PCDHGB1: variants seen among roughly 807,000 people sequenced by gnomAD.
PCDHGB1 encodes protocadherin gamma-B1.
PCDHGB1 carries 34 observed loss-of-function variants against 56.6 expected under a neutral mutation model. The observed-to-expected ratio is 0.60, with a 90% confidence interval of 0.46 to 0.80. The LOEUF is 0.80. Ranked by LOEUF, PCDHGB1 falls within the 30% of genes least tolerant of loss-of-function variation. PCDHGB1 has a pLI of 0.00. For synonymous variants in PCDHGB1, 561 were observed against 505.9 expected (o/e 1.11, Z -1.46); for missense variants, 1,278 against 1,204.6 (o/e 1.06, Z -0.90).
chr5:141,400,232 C>T (rs2093984634), intron 1 of PCDHGB1: 1 of 1,614,032 alleles, frequency 6.2e-7, no homozygotes. Context: ...TTCCTCCTGG[C>T]CGTGATTCTG....
At chr5:141,417,585 G>T in intron 1 of PCDHGB1, 1 of 462,794 alleles carries the variant, frequency 2.2e-6, no homozygotes, top group South Asian at 4.9e-5. Context: ...GTCCCACACA[G>T]AGCCTCTGGG....
chr5:141,357,585 G>C lies in PCDHGB1; in HGVS notation c.2409+4916G>C, dbSNP rs778650217. ...AAAGCGAGCCTCTTCTGATAACTCA[G>C]GATTTACTTGAAACAAAAGGAGACC... On this transcript the variant is annotated intron_variant, in intron 1 of 3. Transcript: ENST00000523390. 7.4e-6 allele frequency: 12 copies of C among 1,614,146 alleles called. No individual in the cohort carries two copies. In the South Asian group the frequency reaches 7.7e-5, roughly 10 times the overall value.
At chr5:141,497,077 G>A (rs191605427) in intron 2 of PCDHGB1, among the ~76,000 whole-genome samples, 4 of 151,990 alleles carry the variant, frequency 2.6e-5, no homozygotes, top group East Asian at 3.9e-4. Flanking sequence ...TAATCCCAGC[G>A]ACTTAGGAGG....
Position 141,487,781 on chromosome 5 carries a change from G to T in PCDHGB1, c.2410-7026G>T. ...AGACGCTGTGCTTTGTAACTGTTTC[G>T]TGAATTAACCAGAGTTGTCACAGTT... On this transcript the variant is annotated intron_variant, in intron 1 of 3. Transcript: ENST00000523390. This position sits in a 1 kb window ranked among gnomAD's most constrained non-coding sequence, Gnocchi z 5.0. 2 of 1,526,850 alleles carry T rather than the reference G, an allele frequency of 1.3e-6. No homozygotes were observed. The highest frequency in any genetic ancestry group is 8.8e-7 in the Non-Finnish European group (1 of 1,130,880). The allele number at this position is 1,526,850 out of a possible 1,614,324, so 94.6% of individuals were successfully genotyped here. A position where few individuals can be genotyped will look rare whatever the true frequency, so the allele number is the denominator to read the frequency against.
Position 141,490,965 on chromosome 5 carries a change from C to G in PCDHGB1, c.2410-3842C>G. On this transcript the variant is annotated intron_variant, in intron 1 of 3. Coordinates refer to ENST00000523390, the MANE Select transcript of PCDHGB1 (RefSeq NM_018922.3). This position sits in a 1 kb window ranked among gnomAD's most constrained non-coding sequence, Gnocchi z 5.4. ...CACGGCCAGACTGGGAACACTCAGC[C>G]CCCCAGCGTCTCCCTCGCTCTGCTC... is the stretch of plus-strand genomic sequence containing the variant. 5 of 1,613,856 alleles carry G rather than the reference C, an allele frequency of 3.1e-6. No homozygotes were observed. The highest frequency in any genetic ancestry group is 3.3e-4 in the Middle Eastern group (2 of 6,062).
At chr5:141,478,329 C>T (rs1295950117) in intron 1 of PCDHGB1, 1 of 1,613,982 alleles carries the variant, frequency 6.2e-7, no homozygotes, top group African/African-American at 1.3e-5. Context: ...TACCGAACAC[C>T]AGGGCCCTCC....
At position 141,485,971 on chromosome 5, in the gene PCDHGB1, C is replaced by T; in HGVS notation, c.2410-8836C>T. On this transcript the variant is annotated intron_variant, in intron 1 of 3. Transcript: ENST00000523390. This position sits in a 1 kb window ranked among gnomAD's most constrained non-coding sequence, Gnocchi z 5.7. Reference sequence around the variant, plus strand: ...GCATGGTGCTCATCCAGCTCAATGCCTCAGACCCGGACCTGGGTCCCAGTG... The same window carrying T: ...GCATGGTGCTCATCCAGCTCAATGCTTCAGACCCGGACCTGGGTCCCAGTG... The T allele has an allele frequency of 6.2e-7, 1 of 1,614,196 alleles. No individual in the cohort carries two copies. The highest frequency in any genetic ancestry group is 8.5e-7 in the Non-Finnish European group (1 of 1,180,042).
intron 1 of PCDHGB1, chr5:141,475,997 G>T: frequency 8.4e-7 from 1 of 1,184,406 alleles, no homozygotes; most frequent in Non-Finnish European, 1.2e-6. Flanking sequence ...CAAATCAACG[G>T]CATCCAGAAA....
At chr5:141,412,931 T>A in intron 1 of PCDHGB1, 1 of 453,226 alleles carries the variant, frequency 2.2e-6, no homozygotes, top group Non-Finnish European at 3.9e-6. Context: ...CAGTAACTTC[T>A]TAGGACTCTG....
chr5:141,364,683 G>A (rs1344688036), intron 1 of PCDHGB1: 6 of 1,613,976 alleles, frequency 3.7e-6, no homozygotes, highest in Non-Finnish European at 5.1e-6. Flanking sequence ...AAAATTTATG[G>A]AGTAGAAGTA....
At chr5:141,380,163 G>A (rs765381808) in intron 1 of PCDHGB1, among the ~76,000 whole-genome samples, 1 of 152,092 alleles carries the variant, frequency 6.6e-6, no homozygotes, top group African/African-American at 2.4e-5. Context: ...GCCTCTCAAA[G>A]GGCTGGGATT....
intron 1 of PCDHGB1, chr5:141,374,744 G>A: frequency 1.2e-6 from 2 of 1,611,982 alleles, no homozygotes; most frequent in East Asian, 2.2e-5. Context: ...CGGCGACCCT[G>A]TCCGCTCAAG....
chr5:141,443,018 A>G (rs2098358800), intron 1 of PCDHGB1, among the ~76,000 whole-genome samples: 1 of 152,208 alleles, frequency 6.6e-6, no homozygotes, highest in Admixed American at 6.5e-5. Flanking sequence ...TGACTAATGG[A>G]AGTTGCCAGA....
At chr5:141,387,354 CA>C (rs1037365285) in intron 1 of PCDHGB1, among the ~76,000 whole-genome samples, 7 of 152,004 alleles carry the variant, frequency 4.6e-5, no homozygotes, top group African/African-American at 1.7e-4. Context: ...CGGTTTAGGC[CA>C]AGTCTGTGTT....
chr5:141,430,365 G>GA lies in PCDHGB1; in HGVS notation c.2410-64434dup, dbSNP rs202146484. Among the ~76,000 whole-genome samples, 583 of 147,736 alleles carry GA rather than the reference G, an allele frequency of 3.9e-3. 6 individuals are homozygous for GA. The highest frequency in any genetic ancestry group is 0.011 in the Admixed American group (169 of 14,894). On this transcript the variant is annotated intron_variant, in intron 1 of 3. Coordinates refer to ENST00000523390, the MANE Select transcript of PCDHGB1 (RefSeq NM_018922.3). ...CCAATTCATTTAAAAGCTCATTGGG[G>GA]AAAAAAAAGCTCATTGGGAAAAAAA...
At chr5:141,451,640 G>A (rs2098720679) in intron 1 of PCDHGB1, among the ~76,000 whole-genome samples, 1 of 152,166 alleles carries the variant, frequency 6.6e-6, no homozygotes, top group South Asian at 2.1e-4. Context: ...CCAGCACTCT[G>A]AGAGGCCAAG....
At chr5:141,361,264 G>A (rs761311465) in intron 1 of PCDHGB1, 1 of 1,613,878 alleles carries the variant, frequency 6.2e-7, no homozygotes, top group African/African-American at 1.3e-5. Context: ...CAGAGACTCT[G>A]GAGAAAATGG....
At chr5:141,366,244 C>A in intron 1 of PCDHGB1, 1 of 1,613,770 alleles carries the variant, frequency 6.2e-7, no homozygotes, top group Non-Finnish European at 8.5e-7. Flanking sequence ...GAGACGCGCT[C>A]AAGCAGAGCC....
At chr5:141,377,343 C>G (rs1218188915) in intron 1 of PCDHGB1, 1 of 152,110 alleles carries the variant, frequency 6.6e-6, no homozygotes. Context: ...TGGTGGTTCA[C>G]GCCTGTAATC....
Sources: allele counts gnomAD v4.1 joint callset (sites outside exome capture counted in the v4.1 genomes callset), GRCh38; gene constraint gnomAD v4.1.1; non-coding constraint Gnocchi (gnomAD v3.1); transcripts MANE v1.5; gene names NCBI Gene and HGNC (gene_info 2026-07-23, HGNC 2026-07-21).